NCAM2: variants seen among roughly 807,000 people sequenced by gnomAD.
The protein encoded by NCAM2 is N-CAM-2.
NCAM2 carries 30 observed loss-of-function variants against 98.1 expected under a neutral mutation model. The observed-to-expected ratio is 0.31, with a 90% CI of 0.23 to 0.41. The LOEUF is 0.41. Ranked by LOEUF, NCAM2 falls within the 10% of genes least tolerant of loss-of-function variation. The pLI, the probability that NCAM2 is intolerant of heterozygous loss-of-function variation, is 1.00. For missense variants in NCAM2, 867 were observed against 1,005.8 expected (o/e 0.86, Z 1.87); for synonymous variants, 368 against 342.4 (o/e 1.07, Z -0.83).
At chr21:21,118,574 T>C (rs545972264) in intron 1 of NCAM2, among the ~76,000 whole-genome samples, 23 of 152,192 alleles carry the variant, frequency 1.5e-4, no homozygotes, top group Non-Finnish European at 2.6e-4. Context: ...TCAGCAGCCA[T>C]GTTAATTACC....
intron 8 of NCAM2, among the ~76,000 whole-genome samples, chr21:21,350,868 A>T (rs1382587642): frequency 2.3e-4 from 35 of 151,280 alleles, no homozygotes; most frequent in Non-Finnish European, 1.5e-5. Context: ...CAGGTGGATC[A>T]CGAGGTCAGG....
At chr21:21,110,884 T>G (rs1301235133) in intron 1 of NCAM2, among the ~76,000 whole-genome samples, 1 of 151,936 alleles carries the variant, frequency 6.6e-6, no homozygotes. Context: ...AGTGAGAATA[T>G]CAAAATGGTA....
intron 11 of NCAM2, among the ~76,000 whole-genome samples, chr21:21,425,040 CAAAAAAAAAAAAAA>C (rs1192128472): frequency 1.1e-4 from 5 of 43,848 alleles, no homozygotes; most frequent in South Asian, 2.3e-3. Flanking sequence ...CTTCCTCCTC[CAAAAAAAAAAAAAA>C]AAAAAAAAAA....
At chr21:21,374,305 A>G (rs529242857) in intron 9 of NCAM2, among the ~76,000 whole-genome samples, 51 of 151,952 alleles carry the variant, frequency 3.4e-4, no homozygotes, top group African/African-American at 1.1e-3. Context: ...AATATTAATT[A>G]TCAGTAATTG....
intron 16 of NCAM2, among the ~76,000 whole-genome samples, chr21:21,531,261 A>T (rs1199659528): frequency 1.3e-5 from 2 of 152,298 alleles, no homozygotes; most frequent in Non-Finnish European, 2.9e-5. Context: ...CAAGTTTATG[A>T]ATTTCATAAA....
chr21:21,505,190 A>G (rs1987905209), intron 15 of NCAM2, among the ~76,000 whole-genome samples: 1 of 152,072 alleles, frequency 6.6e-6, no homozygotes, highest in Admixed American at 6.6e-5. Flanking sequence ...TATTTTAGCA[A>G]TTCTTCACCA....
chr21:21,459,516 T>C (rs566063824), intron 12 of NCAM2, among the ~76,000 whole-genome samples: 13 of 148,290 alleles, frequency 8.8e-5, no homozygotes, highest in Non-Finnish European at 1.5e-4. Context: ...AGAATGTTTA[T>C]ATATATTATA....
At chr21:21,171,797 C>A (rs973643191) in intron 1 of NCAM2, among the ~76,000 whole-genome samples, 1 of 151,928 alleles carries the variant, frequency 6.6e-6, no homozygotes, top group Non-Finnish European at 1.5e-5. Flanking sequence ...TTATTGTACT[C>A]GAGAATGCTA....
intron 1 of NCAM2, among the ~76,000 whole-genome samples, chr21:21,195,538 C>T (rs1200759060): frequency 6.6e-6 from 1 of 152,092 alleles, no homozygotes; most frequent in East Asian, 1.9e-4. Context: ...GAAATCATCC[C>T]AAGGGCATAA....
At chr21:21,075,035 C>T (rs570133190) in intron 1 of NCAM2, among the ~76,000 whole-genome samples, 23 of 152,206 alleles carry the variant, frequency 1.5e-4, no homozygotes, top group Admixed American at 1.2e-3. Flanking sequence ...ATGTCCTTTG[C>T]AGGGACATAG....
intron 1 of NCAM2, among the ~76,000 whole-genome samples, chr21:21,153,648 G>A (rs886826765): frequency 1.3e-5 from 2 of 151,746 alleles, no homozygotes; most frequent in Non-Finnish European, 2.9e-5. Flanking sequence ...TAGTCATGGT[G>A]GGGGGTACCG....
intron 5 of NCAM2, among the ~76,000 whole-genome samples, chr21:21,293,331 T>G (rs2073362903): frequency 6.6e-6 from 1 of 151,810 alleles, no homozygotes; most frequent in South Asian, 2.1e-4. Flanking sequence ...TTCTCTACAC[T>G]TAATCTCACA....
intron 1 of NCAM2, among the ~76,000 whole-genome samples, chr21:21,089,549 A>G (rs2065970985): frequency 6.6e-6 from 1 of 152,172 alleles, no homozygotes; most frequent in African/African-American, 2.4e-5. Flanking sequence ...TCTATTTCAA[A>G]TTGAAACTAA....
intron 9 of NCAM2, among the ~76,000 whole-genome samples, chr21:21,391,590 T>C (rs1185072681): frequency 6.6e-6 from 1 of 152,216 alleles, no homozygotes; most frequent in East Asian, 1.9e-4. Context: ...TTCAGATTAG[T>C]GTATTTATTC....
At chr21:21,138,071 C>T (rs535216414) in intron 1 of NCAM2, among the ~76,000 whole-genome samples, 1 of 152,208 alleles carries the variant, frequency 6.6e-6, no homozygotes, top group African/African-American at 2.4e-5. Flanking sequence ...TGTCTTTTGT[C>T]CTACCTTTTG....
At position 21,149,637 on chromosome 21, in the gene NCAM2, A is replaced by G. The variant is rs372715525; in HGVS notation, c.56-130941A>G. Among the ~76,000 whole-genome samples, 4 of 150,656 alleles carry G rather than the reference A, an allele frequency of 2.7e-5. No homozygotes were observed. The East Asian group carries it at 5.9e-4, about 22-fold the overall frequency. On this transcript the variant is annotated intron_variant, in intron 1 of 17. Transcript: ENST00000400546. ...TGTGCCCATGTGTTCTCATTTTTCA[A>G]CTCCCACTTATCAGTGAGCACGTGT...
At chr21:21,388,870 A>G (rs1012638456) in intron 9 of NCAM2, among the ~76,000 whole-genome samples, 1 of 152,182 alleles carries the variant, frequency 6.6e-6, no homozygotes, top group Admixed American at 6.5e-5. Context: ...TCTTAGAACA[A>G]AAAATAAAGG....
chr21:21,326,946 G>A (rs546908908), intron 6 of NCAM2, among the ~76,000 whole-genome samples: 4 of 152,286 alleles, frequency 2.6e-5, no homozygotes, highest in African/African-American at 7.2e-5. Context: ...GTAGCATCCC[G>A]AGAGAAATGT....
chr21:21,486,410 G>C (rs1356172682), intron 15 of NCAM2, among the ~76,000 whole-genome samples: 1 of 151,536 alleles, frequency 6.6e-6, no homozygotes, highest in Non-Finnish European at 1.5e-5. Context: ...CCATTTATAG[G>C]GCAAGTTTTG....
Sources: gnomAD v4.1 joint callset for allele counts (sites outside exome capture counted in the v4.1 genomes callset) on GRCh38, gnomAD v4.1.1 for gene constraint, MANE v1.5 for transcripts, NCBI Gene and HGNC (gene_info 2026-07-23, HGNC 2026-07-21) for gene names.